Variants in PTK2 observed in about 807,000 individuals in gnomAD.
PTK2 encodes focal adhesion kinase 1.
A neutral mutation model predicts 150.1 loss-of-function variants in PTK2; 45 were observed. The observed-to-expected ratio is 0.30, with a 90% CI of 0.24 to 0.38. The LOEUF (loss-of-function observed/expected upper bound fraction) is 0.38. Among genes scored for constraint, PTK2 ranks in the 10% least tolerant of loss-of-function variants. PTK2 has a pLI of 1.00. For missense variants in PTK2, 919 were observed against 1,307.3 expected (o/e 0.70, Z 4.58); for synonymous variants, 432 against 449.2 (o/e 0.96, Z 0.48).
intron 2 of PTK2, among the ~76,000 whole-genome samples, chr8:140,924,663 T>C (rs2100168796): frequency 6.6e-6 from 1 of 152,210 alleles, no homozygotes; most frequent in South Asian, 2.1e-4. Flanking sequence ...GAAGGCTTAG[T>C]ACATACTTAT....
chr8:140,665,133 T>A, intron 30 of PTK2, 136 bp from the exon 35 acceptor site: 1 of 749,332 alleles, frequency 1.3e-6, no homozygotes, highest in Non-Finnish European at 2.1e-6. Context: ...TGCTTAGCCC[T>A]ATCTTGTAAG....
chr8:140,770,470 T>C (rs980402257), intron 14 of PTK2, among the ~76,000 whole-genome samples: 1 of 152,202 alleles, frequency 6.6e-6, no homozygotes, highest in Non-Finnish European at 1.5e-5. Context: ...TGCCCTGTCA[T>C]GCATTTAAAA....
intron 3 of PTK2, among the ~76,000 whole-genome samples, chr8:140,881,422 C>CT (rs2100148980): frequency 6.6e-6 from 1 of 152,132 alleles, no homozygotes; most frequent in Non-Finnish European, 1.5e-5. Flanking sequence ...ACAAAAGCTC[C>CT]TGGTTCCCTG....
intron 16 of PTK2, among the ~76,000 whole-genome samples, chr8:140,758,385 C>T (rs1316557411): frequency 1.3e-5 from 2 of 152,150 alleles, no homozygotes; most frequent in East Asian, 3.8e-4. Context: ...ACAGCACCAG[C>T]CCCTTCTACT....
At chr8:140,784,821 C>A (rs947897360) in intron 14 of PTK2, among the ~76,000 whole-genome samples, 5 of 152,176 alleles carry the variant, frequency 3.3e-5, no homozygotes, top group African/African-American at 9.7e-5. Context: ...TAATCTTACA[C>A]TTATTTTTGT....
At chr8:140,662,714 G>C in intron 31 of PTK2, 1 of 598,880 alleles carries the variant, frequency 1.7e-6, no homozygotes, top group East Asian at 2.8e-5. Context: ...TGGTCAACTG[G>C]AACATCCCCT....
At chr8:140,846,149 G>T in intron 7 of PTK2, 111 bp downstream of exon 7, 1 of 785,094 alleles carries the variant, frequency 1.3e-6, no homozygotes. Context: ...TCCTCTTCTG[G>T]ATATAAAATT....
rs776931953 is a variant in PTK2 at position 140,846,247 on chromosome 8, G to C, written c.593+13C>G. On this transcript the variant is annotated intron_variant, in intron 7 of 31. Coordinates refer to ENST00000522684, the Ensembl canonical transcript of PTK2. ...GCATATTTGCAGGTATAGATTGTAAGTACAATACTTACTCTAATACTTCAT... is the reference window on the plus strand; with the variant it reads ...GCATATTTGCAGGTATAGATTGTAACTACAATACTTACTCTAATACTTCAT... 1 of 1,593,726 alleles carries C rather than the reference G, an allele frequency of 6.3e-7. No individual in the cohort carries two copies. Among genetic ancestry groups the C allele is most frequent in the South Asian group, 1.1e-5 (1 of 89,438 alleles).
At chr8:140,961,177 G>A (rs936593305) in intron 1 of PTK2, among the ~76,000 whole-genome samples, 10 of 152,102 alleles carry the variant, frequency 6.6e-5, no homozygotes, top group African/African-American at 2.2e-4. Context: ...TATTTCCCTC[G>A]AAGACAGGCA....
At chr8:140,805,872 A>G (rs2100097899) in intron 10 of PTK2, among the ~76,000 whole-genome samples, 1 of 152,198 alleles carries the variant, frequency 6.6e-6, no homozygotes, top group Non-Finnish European at 1.5e-5. Flanking sequence ...TACAATACAA[A>G]GCATCATAAC....
chr8:140,753,676 C>T (rs967067223), intron 16 of PTK2, among the ~76,000 whole-genome samples: 8 of 152,222 alleles, frequency 5.3e-5, no homozygotes, highest in Non-Finnish European at 1.0e-4. Flanking sequence ...TCATTATGCA[C>T]ACTTACTATT....
chr8:140,845,327 A>G (rs1435610604), intron 7 of PTK2, among the ~76,000 whole-genome samples: 1 of 151,998 alleles, frequency 6.6e-6, no homozygotes, highest in East Asian at 1.9e-4. Flanking sequence ...CCCTCATAAG[A>G]ATGGTATTCT....
At chr8:140,883,468 TTA>T (rs2100150435) in intron 3 of PTK2, among the ~76,000 whole-genome samples, 1 of 152,214 alleles carries the variant, frequency 6.6e-6, no homozygotes, top group Non-Finnish European at 1.5e-5. Flanking sequence ...TTGACACTGT[TTA>T]TCTCCTTACT....
intron 21 of PTK2, among the ~76,000 whole-genome samples, chr8:140,738,748 A>G (rs1305763061): frequency 1.3e-5 from 2 of 152,204 alleles, no homozygotes; most frequent in Non-Finnish European, 2.9e-5. Flanking sequence ...CTGTGAGGAA[A>G]GAAGAGACAG....
intron 14 of PTK2, among the ~76,000 whole-genome samples, chr8:140,774,545 C>T (rs920553357): frequency 1.4e-4 from 21 of 152,046 alleles, no homozygotes; most frequent in African/African-American, 4.1e-4. Flanking sequence ...CAGAGGCATC[C>T]GACCCAGAAC....
chr8:140,687,514 T>A (rs2100020639), intron 26 of PTK2, among the ~76,000 whole-genome samples: 1 of 152,182 alleles, frequency 6.6e-6, no homozygotes, highest in Non-Finnish European at 1.5e-5. Flanking sequence ...CTTCCCTCAT[T>A]AGAGATGGAG....
intron 23 of PTK2, among the ~76,000 whole-genome samples, chr8:140,714,772 G>A (rs557921025): frequency 4.0e-5 from 5 of 124,458 alleles, no homozygotes; most frequent in South Asian, 2.7e-4. Flanking sequence ...ACTCCAGCCC[G>A]GGCAATAGAG....
intron 14 of PTK2, 119 bp from the exon 16 acceptor site, chr8:140,769,711 T>A (rs2100074478): frequency 3.7e-6 from 2 of 540,688 alleles, no homozygotes; most frequent in Non-Finnish European, 5.8e-6. Flanking sequence ...AACCAAAGTG[T>A]AAGAAAAATA....
intron 4 of PTK2, among the ~76,000 whole-genome samples, chr8:140,870,096 A>G (rs2100141669): frequency 6.6e-6 from 1 of 152,186 alleles, no homozygotes; most frequent in African/African-American, 2.4e-5. Flanking sequence ...CTTCTTTTCA[A>G]AAGGAATGAA....
Sources: gnomAD v4.1 joint callset for allele counts (sites outside exome capture counted in the v4.1 genomes callset) on GRCh38, gnomAD v4.1.1 for gene constraint, MANE v1.5 for transcripts, NCBI Gene and HGNC (gene_info 2026-07-23, HGNC 2026-07-21) for gene names.